The following NAA11 variants were observed in gnomAD, a reference collection of about 807,000 sequenced individuals.
NAA11 encodes N-alpha-acetyltransferase 11.
Under a neutral mutation model 16.1 loss-of-function variants are expected in NAA11, and 15 were observed. That is an observed-to-expected ratio of 0.93 (90% CI 0.62 to 1.44). The LOEUF (loss-of-function observed/expected upper bound fraction) is 1.44, where lower values mean the gene tolerates loss of function less well. Ranked by LOEUF, NAA11 falls within the 40% of genes most tolerant of loss-of-function variation. The pLI is 0.00. For missense variants in NAA11, 298 were observed against 291.3 expected, an observed-to-expected ratio of 1.02 and a Z score of -0.17; for synonymous variants, 122 against 112.4, an observed-to-expected ratio of 1.09 and a Z score of -0.54.
intron 2 of NAA11, among the ~76,000 whole-genome samples, chr4:79,233,092 A>G (rs1450419245): frequency 6.6e-6 from 1 of 151,904 alleles, no homozygotes; most frequent in Non-Finnish European, 1.5e-5. Context: ...GGCCTTAGTC[A>G]TTATTAGCTA....
the NAA11 span, among the ~76,000 whole-genome samples, chr4:79,169,433 G>C: frequency 4.0e-3 from 611 of 152,204 alleles, 2 homozygotes; most frequent in African/African-American, 0.014. Flanking sequence ...ACAGAATAGA[G>C]GCCTCAGAAG....
chr4:79,160,987 G>A, the NAA11 span, among the ~76,000 whole-genome samples: 1 of 152,048 alleles, frequency 6.6e-6, no homozygotes, highest in Non-Finnish European at 1.5e-5. Context: ...TTGTGTATTT[G>A]GTATCATGTC....
At chr4:79,157,650 T>C in the NAA11 span, among the ~76,000 whole-genome samples, 4 of 151,546 alleles carry the variant, frequency 2.6e-5, no homozygotes, top group East Asian at 1.9e-4. Flanking sequence ...CTCACCAAAA[T>C]TGGCATAAAA....
At chr4:79,161,558 A>C in the NAA11 span, among the ~76,000 whole-genome samples, 1 of 152,220 alleles carries the variant, frequency 6.6e-6, no homozygotes, top group Non-Finnish European at 1.5e-5. Flanking sequence ...TCCACAAAAC[A>C]GGAGGTTGAG....
chr4:79,325,774 C>A lies in NAA11; in HGVS notation c.104G>T (p.Gly35Val), dbSNP rs373408239. Reference protein sequence around the residue: ...NYQMKYYLYHGLSWPQLSYIA... With the variant: ...NYQMKYYLYHVLSWPQLSYIA... ...GTAAGAAAGCTGGGGCCAGGAAAGG[C>A]CATGATATAAATAGTATTTCATCTG... is the stretch of plus-strand genomic sequence containing the variant. The change falls in exon 1 of 2, where the codon GGC becomes GTC. Residue 35 changes from glycine (G) to valine (V), a missense_variant. Coordinates refer to ENST00000286794, the MANE Select transcript of NAA11 (RefSeq NM_032693.3). The A allele has an allele frequency of 3.7e-5, 60 of 1,614,066 alleles. No homozygotes were observed. The highest frequency in any genetic ancestry group is 5.1e-5 in the Non-Finnish European group (60 of 1,180,036).
chr4:79,208,156 C>T, the NAA11 span, among the ~76,000 whole-genome samples: 1 of 152,140 alleles, frequency 6.6e-6, no homozygotes, highest in East Asian at 1.9e-4. Context: ...TTGCGAGAAT[C>T]AAGGGCTCTA....
At position 79,267,081 on chromosome 4, in the gene NAA11, A is replaced by C. The variant is rs1190181188; in HGVS notation, c.*122+26924T>G. ...CAAGCTTATATTTTAAGCAAATAGGAATCCTTTGAGTAGATATAAATATAG... is the reference window on the plus strand; with the variant it reads ...CAAGCTTATATTTTAAGCAAATAGGCATCCTTTGAGTAGATATAAATATAG... On this transcript the variant is annotated intron_variant and NMD_transcript_variant, in intron 2 of 2. Coordinates refer to the NAA11 transcript ENST00000511542. Among the ~76,000 whole-genome samples the C allele has an allele frequency of 3.9e-5, 6 of 152,196 alleles. No individual in the cohort carries two copies. In the East Asian group the frequency reaches 1.2e-3, roughly 29 times the overall value.
intron 2 of NAA11, among the ~76,000 whole-genome samples, chr4:79,240,451 A>G (rs1295665573): frequency 6.6e-6 from 1 of 152,150 alleles, no homozygotes; most frequent in African/African-American, 2.4e-5. Context: ...GCCAGAATAC[A>G]AGGGTCTGGA....
chr4:79,290,717 T>C (rs1723060585), intron 2 of NAA11, among the ~76,000 whole-genome samples: 3 of 152,152 alleles, frequency 2.0e-5, no homozygotes, highest in Admixed American at 2.0e-4. Flanking sequence ...TGGTAAGAAA[T>C]AATTCTGTTT....
chr4:79,161,986 A>G, the NAA11 span, among the ~76,000 whole-genome samples: 4 of 152,114 alleles, frequency 2.6e-5, no homozygotes, highest in Non-Finnish European at 5.9e-5. Flanking sequence ...CGGCCTACTT[A>G]GTTCTTCTTT....
At chr4:79,179,025 A>G in the NAA11 span, among the ~76,000 whole-genome samples, 5 of 152,192 alleles carry the variant, frequency 3.3e-5, no homozygotes, top group African/African-American at 1.2e-4. Flanking sequence ...CTGTATCATC[A>G]TGACCATTGC....
At chr4:79,215,311 G>T in the NAA11 span, among the ~76,000 whole-genome samples, 1 of 152,128 alleles carries the variant, frequency 6.6e-6, no homozygotes, top group African/African-American at 2.4e-5. Flanking sequence ...GGGTAGTCTT[G>T]GGCCAACCAG....
chr4:79,316,245 A>C (rs1043357527), downstream of NAA11, among the ~76,000 whole-genome samples: 3 of 152,228 alleles, frequency 2.0e-5, no homozygotes, highest in Non-Finnish European at 4.4e-5. Context: ...AAAAATAAAG[A>C]GATAAACACA....
At chr4:79,246,542 G>A (rs1657036553) in intron 2 of NAA11, among the ~76,000 whole-genome samples, 2 of 152,062 alleles carry the variant, frequency 1.3e-5, no homozygotes, top group Non-Finnish European at 2.9e-5. Context: ...GAAAAAGAAA[G>A]GATCAACTTT....
intron 2 of NAA11, among the ~76,000 whole-genome samples, chr4:79,228,762 CTATAAACATTCATGTACCATTTTTTG>C (rs1256841962): frequency 6.6e-6 from 1 of 151,926 alleles, no homozygotes; most frequent in Non-Finnish European, 1.5e-5. Flanking sequence ...AATACAGTTT[CTATAAACATTCATGTACCATTTTTTG>C]TATAAACATC....
downstream of NAA11, among the ~76,000 whole-genome samples, chr4:79,222,539 C>A (rs1271308673): frequency 1.3e-5 from 2 of 150,342 alleles, no homozygotes; most frequent in South Asian, 4.3e-4. Context: ...ACCATAAAAA[C>A]CCTAGAAGAA....
the NAA11 span, among the ~76,000 whole-genome samples, chr4:79,205,223 C>T: frequency 4.6e-5 from 7 of 152,006 alleles, no homozygotes; most frequent in South Asian, 2.1e-4. Flanking sequence ...GTCTGCTTTT[C>T]GTTCTTTGAG....
the NAA11 span, among the ~76,000 whole-genome samples, chr4:79,194,695 T>C: frequency 6.6e-6 from 1 of 152,150 alleles, no homozygotes; most frequent in South Asian, 2.1e-4. Context: ...AAGGAGTTTG[T>C]CTTTCTCACA....
the NAA11 span, among the ~76,000 whole-genome samples, chr4:79,204,724 CT>C: frequency 2.0e-5 from 3 of 151,780 alleles, no homozygotes; most frequent in Non-Finnish European, 4.4e-5. Context: ...ACCCACTCCC[CT>C]TCTGAGTCTC....
Sources: allele counts gnomAD v4.1 joint callset (sites outside exome capture counted in the v4.1 genomes callset), GRCh38; gene constraint gnomAD v4.1.1; transcripts MANE v1.5; gene names NCBI Gene and HGNC (gene_info 2026-07-23, HGNC 2026-07-21).